The following FRMD4A variants were observed in gnomAD, a reference collection of about 807,000 sequenced individuals.
FRMD4A encodes FERM domain-containing protein 4A.
In FRMD4A, 29 loss-of-function variants were observed where a neutral mutation model predicts 129.1. The ratio of observed to expected loss-of-function variants is 0.22; its 90% confidence interval spans 0.17 to 0.31. The LOEUF (loss-of-function observed/expected upper bound fraction) is 0.31, where lower values mean the gene tolerates loss of function less well. Among genes scored for constraint, FRMD4A ranks in the 10% least tolerant of loss-of-function variants. FRMD4A has a pLI of 1.00. For missense variants in FRMD4A, 1,272 were observed against 1,375.8 expected (o/e 0.92, Z 1.19); for synonymous variants, 634 against 571.6 (o/e 1.11, Z -1.56).
rs1320433178 is a variant in FRMD4A, at chr10:13,949,401, A to G, written c.46-90489T>C. On this transcript the variant is annotated intron_variant, in intron 2 of 24. Coordinates refer to ENST00000357447, the MANE Select transcript of FRMD4A (RefSeq NM_018027.5). ...AGTTAACTTTTCAAGTACAGCTTTG[A>G]TTACTTACACGAAGTTTAGTTCACA... 5.3e-5 allele frequency among the ~76,000 whole-genome samples: 8 copies of G among 151,924 alleles called. No homozygotes were observed. In the East Asian group the frequency reaches 5.8e-4, roughly 11 times the overall value.
At chr10:14,175,221 G>A (rs1315406666) in intron 2 of FRMD4A, among the ~76,000 whole-genome samples, 1 of 152,106 alleles carries the variant, frequency 6.6e-6, no homozygotes, top group Non-Finnish European at 1.5e-5. Context: ...TGTGACACAT[G>A]TGCACCATAC....
At chr10:14,099,028 A>C (rs997211020) in intron 2 of FRMD4A, among the ~76,000 whole-genome samples, 1 of 152,120 alleles carries the variant, frequency 6.6e-6, no homozygotes, top group Non-Finnish European at 1.5e-5. Flanking sequence ...TCCCAGGAGC[A>C]CTCCACTTAG....
At chr10:13,966,257 A>G (rs11258757) in intron 2 of FRMD4A, among the ~76,000 whole-genome samples, 58,910 of 152,042 alleles carry the variant, frequency 0.39, 14,110 homozygotes, top group Non-Finnish European at 0.55. Flanking sequence ...TCCTGACCTC[A>G]GGTGATCTGC....
chr10:13,938,195 T>C (rs1337518450), intron 2 of FRMD4A, among the ~76,000 whole-genome samples: 4 of 152,156 alleles, frequency 2.6e-5, no homozygotes, highest in Admixed American at 2.0e-4. Context: ...GTTTTCCTTG[T>C]GTTCAGAAAG....
At chr10:13,777,402 CA>C (rs1023085616) in intron 6 of FRMD4A, among the ~76,000 whole-genome samples, 214 of 152,190 alleles carry the variant, frequency 1.4e-3, no homozygotes, top group African/African-American at 4.8e-3. Flanking sequence ...AGGAGGGAGA[CA>C]GGGGGCCTTG....
chr10:14,044,375 T>C (rs1833902285), intron 2 of FRMD4A, among the ~76,000 whole-genome samples: 1 of 152,202 alleles, frequency 6.6e-6, no homozygotes, highest in South Asian at 2.1e-4. Flanking sequence ...TGACCCCCAT[T>C]CCTGTCTGGT....
chr10:14,330,318 A>AAG, intron 1 of FRMD4A, 135 bp from the exon 2 acceptor site: 1 of 548,474 alleles, frequency 1.8e-6, no homozygotes, highest in Admixed American at 3.1e-5. Context: ...AAAAAAAAAA[A>AAG]AAGAAGAAGG....
At chr10:13,885,599 G>A (rs1446451755) in intron 2 of FRMD4A, among the ~76,000 whole-genome samples, 1 of 152,114 alleles carries the variant, frequency 6.6e-6, no homozygotes, top group African/African-American at 2.4e-5. Context: ...TGTTTGATTG[G>A]CTGGATAACC....
chr10:14,224,988 T>C (rs532130316), intron 2 of FRMD4A, among the ~76,000 whole-genome samples: 56 of 152,180 alleles, frequency 3.7e-4, no homozygotes, highest in Non-Finnish European at 7.4e-4. Context: ...CCTCTCATCA[T>C]GATGTACAAC....
Position 14,159,400 on chromosome 10 carries a change from G to A in FRMD4A, c.45+170658C>T, listed in dbSNP as rs566488813. On this transcript the variant is annotated intron_variant, in intron 2 of 24. Transcript: ENST00000357447. ...CCAAAAAAAATAAAATACTGAGGAA[G>A]AAATTTAACAAAGGAGGTGAAAGAC... Among the ~76,000 whole-genome samples the A allele has an allele frequency of 4.4e-4, 67 of 152,168 alleles. 2 individuals are homozygous for A. In the East Asian group the frequency reaches 0.012, roughly 28 times the overall value.
chr10:14,320,698 C>T (rs1270753299), intron 2 of FRMD4A, among the ~76,000 whole-genome samples: 2 of 152,336 alleles, frequency 1.3e-5, no homozygotes, highest in Non-Finnish European at 2.9e-5. Context: ...GATATAAGTT[C>T]CCAGGCAAGG....
intron 2 of FRMD4A, among the ~76,000 whole-genome samples, chr10:14,280,875 C>G (rs1038706751): frequency 2.0e-5 from 3 of 152,052 alleles, no homozygotes; most frequent in Admixed American, 1.3e-4. Flanking sequence ...TACATTGAAG[C>G]CCCAGCCCCT....
intron 3 of FRMD4A, among the ~76,000 whole-genome samples, chr10:13,850,440 T>G: frequency 6.6e-6 from 1 of 152,180 alleles, no homozygotes; most frequent in Non-Finnish European, 1.5e-5. Context: ...CATTATTTCA[T>G]CCACTGCTGT....
chr10:14,083,155 G>T (rs1165184405), intron 2 of FRMD4A: 1 of 152,136 alleles, frequency 6.6e-6, no homozygotes, highest in Non-Finnish European at 1.5e-5. Context: ...AAGCACCTCA[G>T]GTAATTTTGG....
intron 2 of FRMD4A, among the ~76,000 whole-genome samples, chr10:14,327,558 T>C (rs1057356164): frequency 4.6e-5 from 7 of 152,200 alleles, no homozygotes; most frequent in Non-Finnish European, 1.0e-4. Context: ...CACAGGGCTG[T>C]CCAACCCTCC....
At chr10:13,741,233 T>C (rs2090988517) in intron 9 of FRMD4A, among the ~76,000 whole-genome samples, 1 of 151,928 alleles carries the variant, frequency 6.6e-6, no homozygotes, top group Admixed American at 6.6e-5. Flanking sequence ...GGGGATTGCT[T>C]GAGCCCAGGA....
chr10:13,794,559 T>C (rs1304981219), intron 5 of FRMD4A, among the ~76,000 whole-genome samples: 4 of 152,074 alleles, frequency 2.6e-5, no homozygotes, highest in Non-Finnish European at 5.9e-5. Context: ...CCTGCTGAGT[T>C]TGAAGTACTC....
At chr10:13,960,561 A>G (rs965759625) in intron 2 of FRMD4A, among the ~76,000 whole-genome samples, 1 of 152,216 alleles carries the variant, frequency 6.6e-6, no homozygotes, top group African/African-American at 2.4e-5. Flanking sequence ...CATTTTATAG[A>G]TGAGAGGATT....
chr10:14,260,023 C>CAAA (rs11288245), intron 2 of FRMD4A, among the ~76,000 whole-genome samples: 2 of 132,764 alleles, frequency 1.5e-5, no homozygotes, highest in Admixed American at 7.6e-5. Context: ...CTAGAAATGG[C>CAAA]AAAAAAAAAA....
Sources: gnomAD v4.1 joint callset for allele counts (sites outside exome capture counted in the v4.1 genomes callset) on GRCh38, gnomAD v4.1.1 for gene constraint, MANE v1.5 for transcripts, NCBI Gene and HGNC (gene_info 2026-07-23, HGNC 2026-07-21) for gene names.